NRG3: variants seen among roughly 807,000 people sequenced by gnomAD.
NRG3 encodes neuregulin 3, also known as pro-neuregulin-3, membrane-bound isoform.
A neutral mutation model predicts 66.9 loss-of-function variants in NRG3; 31 were observed. The observed-to-expected ratio is 0.46, with a 90% confidence interval of 0.35 to 0.63. The LOEUF (loss-of-function observed/expected upper bound fraction) is 0.63, where lower values mean the gene tolerates loss of function less well. NRG3 is among the 20% of genes least tolerant of loss of function. The pLI, the probability that NRG3 is intolerant of heterozygous loss-of-function variation, is 0.00. For missense variants in NRG3, 910 were observed against 878.9 expected (o/e 1.04, Z -0.45); for synonymous variants, 393 against 359.4 (o/e 1.09, Z -1.06).
chr10:82,870,945 C>A (rs1046442003), intron 4 of NRG3, among the ~76,000 whole-genome samples: 1 of 152,276 alleles, frequency 6.6e-6, no homozygotes, highest in Non-Finnish European at 1.5e-5. Flanking sequence ...ATTATAAAAT[C>A]TTCCTTTTAT....
At chr10:82,306,884 C>T (rs1228580661) in intron 1 of NRG3, among the ~76,000 whole-genome samples, 3 of 151,794 alleles carry the variant, frequency 2.0e-5, no homozygotes, top group African/African-American at 4.8e-5. Flanking sequence ...TTTTTCTAGA[C>T]TATTATTCAC....
At chr10:82,142,575 T>A (rs1422763601) in intron 1 of NRG3, among the ~76,000 whole-genome samples, 1 of 152,038 alleles carries the variant, frequency 6.6e-6, no homozygotes, top group Non-Finnish European at 1.5e-5. Flanking sequence ...TCATTGGGCA[T>A]GTATTATGCT....
rs61740666 is a variant in NRG3, at chr10:82,959,042, G to T, written c.1251G>T (p.Glu417Asp). 7.6e-5 allele frequency: 122 copies of T among 1,606,398 alleles called. No individual in the cohort carries two copies. The African/African-American group carries it at 1.6e-3, about 20-fold the overall frequency. ...CATCCAGCACAATGGCAAAGTCAGA[G>T]AACTTGGTGAAGAGCCATGTCCAGC... ...LKASSTMAKSENLVKSHVQLQ... is the reference protein window; with the variant it reads ...LKASSTMAKSDNLVKSHVQLQ... Residue 417 changes from glutamate (E) to aspartate (D), a missense_variant, in exon 6 of 9, where the codon GAG becomes GAT. Physicochemically the swap from Glu to Asp is conservative, Grantham distance 45. Coordinates refer to ENST00000372141, the MANE Select transcript of NRG3 (RefSeq NM_001010848.4).
At chr10:82,751,051 A>C (rs1043642957) in intron 3 of NRG3, among the ~76,000 whole-genome samples, 2 of 152,154 alleles carry the variant, frequency 1.3e-5, no homozygotes, top group Admixed American at 1.3e-4. Context: ...AACTGTGAAC[A>C]ATTAAAATGA....
chr10:82,724,210 G>A (rs1223220650), intron 2 of NRG3, among the ~76,000 whole-genome samples: 1 of 149,768 alleles, frequency 6.7e-6, no homozygotes, highest in South Asian at 2.1e-4. Flanking sequence ...TAAACCTATA[G>A]GCCTATGCTA....
intron 1 of NRG3, among the ~76,000 whole-genome samples, chr10:82,096,505 C>T (rs2066356861): frequency 6.6e-6 from 1 of 151,546 alleles, no homozygotes; most frequent in East Asian, 1.9e-4. Flanking sequence ...ACAACAACAA[C>T]CACAAAAAAA....
intron 8 of NRG3, 98 bp from the exon 9 acceptor site, chr10:82,985,000 A>G: frequency 7.0e-7 from 1 of 1,426,678 alleles, no homozygotes; most frequent in Non-Finnish European, 9.7e-7. Flanking sequence ...GTGAGAATTC[A>G]GTGAGATGGT....
At position 82,232,809 on chromosome 10, in the gene NRG3, A is replaced by T. The variant is rs147072011; in HGVS notation, c.824-125930A>T. On this transcript the variant is annotated intron_variant, in intron 1 of 8. Coordinates refer to ENST00000372141, the MANE Select transcript of NRG3 (RefSeq NM_001010848.4). Reference sequence around the variant, plus strand: ...AGACCAGAGTGGTCAGGAGGCAGAAACAGGAGCAAGGTAAGTTGTAAGGCA... The same window carrying T: ...AGACCAGAGTGGTCAGGAGGCAGAATCAGGAGCAAGGTAAGTTGTAAGGCA... The T allele has an allele frequency of 5.1e-4, 368 of 717,370 alleles. 9 individuals carry two copies. Among genetic ancestry groups the T allele is most frequent in the South Asian group, 4.2e-3 (282 of 67,594 alleles). The allele number at this position is 717,370 out of a possible 1,614,324, so 44.4% of individuals were successfully genotyped here.
chr10:81,993,609 A>C (rs1279660762), intron 1 of NRG3, among the ~76,000 whole-genome samples: 2 of 152,116 alleles, frequency 1.3e-5, no homozygotes, highest in Non-Finnish European at 2.9e-5. Context: ...GTCCTCACAA[A>C]GAGGTGGAAT....
At chr10:82,035,506 G>A (rs2062756694) in intron 1 of NRG3, among the ~76,000 whole-genome samples, 1 of 152,002 alleles carries the variant, frequency 6.6e-6, no homozygotes. Flanking sequence ...CTGTAGCCTA[G>A]GCATCTTATT....
At chr10:82,087,337 C>T (rs1168866470) in intron 1 of NRG3, among the ~76,000 whole-genome samples, 4 of 152,038 alleles carry the variant, frequency 2.6e-5, no homozygotes, top group Non-Finnish European at 5.9e-5. Flanking sequence ...CTGCAAAGCC[C>T]GCCTCTTTTG....
chr10:82,891,388 A>C (rs1401242026), intron 4 of NRG3, among the ~76,000 whole-genome samples: 1 of 151,980 alleles, frequency 6.6e-6, no homozygotes, highest in Non-Finnish European at 1.5e-5. Context: ...AAAAAATGAA[A>C]TATTCTAATC....
At chr10:82,346,423 T>A (rs2083027422) in intron 1 of NRG3, among the ~76,000 whole-genome samples, 1 of 140,624 alleles carries the variant, frequency 7.1e-6, no homozygotes, top group Admixed American at 7.0e-5. Flanking sequence ...GCCCACTTGA[T>A]CATGGTGGAT....
intron 3 of NRG3, among the ~76,000 whole-genome samples, chr10:82,740,799 G>A (rs1413731782): frequency 7.2e-6 from 1 of 139,112 alleles, no homozygotes; most frequent in Non-Finnish European, 1.5e-5. Flanking sequence ...ACTCCAGCCT[G>A]GGTGACAGAG....
chr10:82,759,065 T>C (rs2059195969), intron 3 of NRG3, among the ~76,000 whole-genome samples: 1 of 152,024 alleles, frequency 6.6e-6, no homozygotes, highest in African/African-American at 2.4e-5. Flanking sequence ...TGAGAGATGT[T>C]TGGGCCATGG....
chr10:82,907,474 G>A (rs1176119947), intron 4 of NRG3, among the ~76,000 whole-genome samples: 2 of 151,884 alleles, frequency 1.3e-5, no homozygotes, highest in African/African-American at 4.8e-5. Flanking sequence ...TTATTAATCA[G>A]GATTATACAA....
chr10:82,458,561 G>GGC (rs990487099), intron 2 of NRG3, among the ~76,000 whole-genome samples: 4 of 152,142 alleles, frequency 2.6e-5, no homozygotes, highest in Non-Finnish European at 5.9e-5. Flanking sequence ...AGTAGAAAAA[G>GGC]GCTGGAGAAA....
At chr10:82,838,407 A>C (rs2062884029) in intron 3 of NRG3, among the ~76,000 whole-genome samples, 1 of 152,154 alleles carries the variant, frequency 6.6e-6, no homozygotes. Context: ...AACATTTTTA[A>C]ACCTCTCATT....
chr10:82,651,162 A>G (rs574362912), intron 2 of NRG3, among the ~76,000 whole-genome samples: 4 of 152,324 alleles, frequency 2.6e-5, no homozygotes, highest in East Asian at 1.9e-4. Flanking sequence ...TTTAGTTTAC[A>G]TTGGTTAGAA....
Sources: gnomAD v4.1 joint callset for allele counts (sites outside exome capture counted in the v4.1 genomes callset) on GRCh38, gnomAD v4.1.1 for gene constraint, MANE v1.5 for transcripts, NCBI Gene and HGNC (gene_info 2026-07-23, HGNC 2026-07-21) for gene names.